BCKDHB: variants seen among roughly 807,000 people sequenced by gnomAD.
The protein encoded by BCKDHB is 2-oxoisovalerate dehydrogenase subunit beta, mitochondrial.
In BCKDHB, 41 loss-of-function variants were observed where a neutral mutation model predicts 48.5. The ratio of observed to expected loss-of-function variants is 0.85; its 90% confidence interval spans 0.66 to 1.10. The LOEUF (loss-of-function observed/expected upper bound fraction) is 1.10, where lower values mean the gene tolerates loss of function less well. BCKDHB is among the 50% of genes least tolerant of loss of function. The probability of loss-of-function intolerance (pLI) is 0.00; values close to 1 mark genes in which losing one functional copy is unlikely to be tolerated. For synonymous variants in BCKDHB, 201 were observed against 174.8 expected (o/e 1.15, Z -1.18); for missense variants, 496 against 494.2 (o/e 1.00, Z -0.03).
the BCKDHB span, among the ~76,000 whole-genome samples, chr6:80,418,873 TGGG>T: frequency 1.3e-5 from 2 of 152,024 alleles, no homozygotes; most frequent in African/African-American, 4.8e-5. Flanking sequence ...TAATACAGCT[TGGG>T]GGCCACTTCT....
the BCKDHB span, among the ~76,000 whole-genome samples, chr6:80,400,050 T>C: frequency 6.6e-6 from 1 of 151,922 alleles, no homozygotes; most frequent in Non-Finnish European, 1.5e-5. Context: ...GAAACTGTAC[T>C]CCTTCCTTAT....
the BCKDHB span, among the ~76,000 whole-genome samples, chr6:80,442,353 C>A: frequency 6.6e-6 from 1 of 152,098 alleles, no homozygotes; most frequent in Non-Finnish European, 1.5e-5. Flanking sequence ...AGTAGACCAT[C>A]CTATTTCACA....
chr6:80,264,386 T>C (rs1465827340), intron 8 of BCKDHB, among the ~76,000 whole-genome samples: 1 of 152,216 alleles, frequency 6.6e-6, no homozygotes, highest in African/African-American at 2.4e-5. Flanking sequence ...TGTACTAATA[T>C]AATGTTCAAA....
chr6:80,451,767 A>T, the BCKDHB span, among the ~76,000 whole-genome samples: 1 of 151,726 alleles, frequency 6.6e-6, no homozygotes, highest in African/African-American at 2.4e-5. Flanking sequence ...ATTATTTATC[A>T]CAGTATCACA....
the BCKDHB span, among the ~76,000 whole-genome samples, chr6:80,457,933 C>G: frequency 6.6e-6 from 1 of 152,194 alleles, no homozygotes; most frequent in Non-Finnish European, 1.5e-5. Context: ...TTCTGCTATT[C>G]TCAGCACTTG....
At chr6:80,122,976 C>A in intron 1 of BCKDHB, among the ~76,000 whole-genome samples, 1 of 146,396 alleles carries the variant, frequency 6.8e-6, no homozygotes, top group South Asian at 2.2e-4. Flanking sequence ...CCCTCCCCCC[C>A]GGCCCCCCCA....
intron 4 of BCKDHB, 63 bp from the exon 5 acceptor site, chr6:80,168,812 C>T (rs115532215): frequency 2.5e-5 from 19 of 749,834 alleles, no homozygotes; most frequent in South Asian, 3.8e-5. Context: ...GGAGGAAGAA[C>T]GGAAGGAGAT....
intron 9 of BCKDHB, among the ~76,000 whole-genome samples, chr6:80,343,177 G>A (rs1464914738): frequency 6.6e-6 from 1 of 152,220 alleles, no homozygotes. Context: ...GACTATGAGA[G>A]AGATGAGAAC....
At chr6:80,180,197 A>G (rs1345701265) in intron 6 of BCKDHB, among the ~76,000 whole-genome samples, 1 of 152,210 alleles carries the variant, frequency 6.6e-6, no homozygotes, top group East Asian at 1.9e-4. Context: ...CCTTATTTTG[A>G]ATATGCAATC....
At chr6:80,250,839 C>T (rs1248755872) in intron 8 of BCKDHB, among the ~76,000 whole-genome samples, 1 of 152,136 alleles carries the variant, frequency 6.6e-6, no homozygotes, top group Non-Finnish European at 1.5e-5. Context: ...CTTAACCTCT[C>T]TAGTCCTAAC....
intron 9 of BCKDHB, among the ~76,000 whole-genome samples, chr6:80,298,678 A>G (rs949168006): frequency 7.2e-5 from 11 of 152,294 alleles, no homozygotes; most frequent in African/African-American, 1.9e-4. Context: ...ACATTTCTCA[A>G]TGTGTGGTCT....
At chr6:80,282,304 A>T (rs1766366923) in intron 9 of BCKDHB, among the ~76,000 whole-genome samples, 1 of 152,170 alleles carries the variant, frequency 6.6e-6, no homozygotes, top group South Asian at 2.1e-4. Context: ...TGCTGAGATG[A>T]TGTAGAATGT....
the BCKDHB span, among the ~76,000 whole-genome samples, chr6:80,367,812 TGAG>T: frequency 3.3e-5 from 3 of 91,878 alleles, no homozygotes; most frequent in African/African-American, 1.1e-4. Context: ...ACATCATATG[TGAG>T]TGGGAAGGCC....
At chr6:80,228,472 G>A (rs139755228) in intron 8 of BCKDHB, among the ~76,000 whole-genome samples, 1 of 152,172 alleles carries the variant, frequency 6.6e-6, no homozygotes, top group African/African-American at 2.4e-5. Flanking sequence ...GACAGCACCA[G>A]TTCCTGGGGA....
chr6:80,358,412 A>G, the BCKDHB span, among the ~76,000 whole-genome samples: 1 of 150,908 alleles, frequency 6.6e-6, no homozygotes, highest in African/African-American at 2.4e-5. Context: ...TCCAGTTTTC[A>G]TTTTTCTGTT....
intron 8 of BCKDHB, among the ~76,000 whole-genome samples, chr6:80,266,662 G>A: frequency 6.6e-6 from 1 of 152,006 alleles, no homozygotes; most frequent in Non-Finnish European, 1.5e-5. Flanking sequence ...GAAAAAATAG[G>A]TGGAGAGAGT....
chr6:80,454,074 C>T, the BCKDHB span: 1 of 152,174 alleles, frequency 6.6e-6, no homozygotes, highest in Non-Finnish European at 1.5e-5. Context: ...TGCTCATACA[C>T]TCTACCTGAC....
At chr6:80,223,361 G>A (rs1240612832) in intron 8 of BCKDHB, among the ~76,000 whole-genome samples, 1 of 152,116 alleles carries the variant, frequency 6.6e-6, no homozygotes, top group East Asian at 1.9e-4. Context: ...CAGGGTACTG[G>A]TGCTTTGCTT....
the BCKDHB span, among the ~76,000 whole-genome samples, chr6:80,446,408 C>T: frequency 7.2e-5 from 11 of 152,310 alleles, no homozygotes; most frequent in Middle Eastern, 3.4e-3. Flanking sequence ...ACACATTTTA[C>T]ATGGTTTCAC....
Sources: gnomAD v4.1 joint callset for allele counts (sites outside exome capture counted in the v4.1 genomes callset) on GRCh38, gnomAD v4.1.1 for gene constraint, MANE v1.5 for transcripts, NCBI Gene and HGNC (gene_info 2026-07-23, HGNC 2026-07-21) for gene names.